ZNF771: variants seen among roughly 807,000 people sequenced by gnomAD.
ZNF771 encodes the protein mesenchymal stem cell protein DSC43.
In ZNF771, 10 loss-of-function variants were observed where a neutral mutation model predicts 27.6. The observed-to-expected ratio is 0.36, with a 90% CI of 0.22 to 0.61. The LOEUF is 0.61. Ranked by LOEUF, ZNF771 falls within the 20% of genes least tolerant of loss-of-function variation. The pLI, the probability that ZNF771 is intolerant of heterozygous loss-of-function variation, is 0.70. For missense variants in ZNF771, 438 were observed against 503.7 expected (o/e 0.87, Z 1.25); for synonymous variants, 261 against 225.2 (o/e 1.16, Z -1.43).
intron 2 of ZNF771, among the ~76,000 whole-genome samples, chr16:30,409,523 C>A (rs994912362): frequency 7.9e-5 from 12 of 152,172 alleles, no homozygotes; most frequent in Middle Eastern, 3.2e-3. Context: ...TCTGTCTGCC[C>A]CCAGCCTGAG....
chr16:30,417,656 C>T lies in ZNF771; in HGVS notation c.243C>T (p.His81=). 1 of 1,374,014 alleles carries T rather than the reference C, an allele frequency of 7.3e-7. No individual in the cohort carries two copies. Among genetic ancestry groups the T allele is most frequent in the Non-Finnish European group, 9.4e-7 (1 of 1,066,212 alleles). The allele number at this position is 1,374,014 out of a possible 1,614,324, so 85.1% of individuals were successfully genotyped here. A position where few individuals can be genotyped will look rare whatever the true frequency, so the allele number is the denominator to read the frequency against. The change falls in exon 3 of 3, where the codon CAC becomes CAT. Residue 81 remains histidine, a synonymous_variant. Coordinates refer to ENST00000319296, the MANE Select transcript of ZNF771 (RefSeq NM_001142305.2). The part of the protein sequence containing the change: ...AFARRSTLAK[H]ARTHTGERPF... ...CGCGCCGCTCCACGCTGGCGAAGCA[C>T]GCGCGCACGCACACGGGCGAACGGC...
At chr16:30,411,563 C>A (rs2151123987) in intron 2 of ZNF771, among the ~76,000 whole-genome samples, 1 of 152,266 alleles carries the variant, frequency 6.6e-6, no homozygotes, top group South Asian at 2.1e-4. Context: ...GGTCGTAACT[C>A]CACCGTTTAC....
At chr16:30,407,991 GGGGGGGGT>G in intron 1 of ZNF771, 46 bp from the exon 2 acceptor site, 1 of 919,102 alleles carries the variant, frequency 1.1e-6, no homozygotes. Context: ...GGTGGGCGGG[GGGGGGGGT>G]GGGGGGGGGC....
rs1597034127 is a variant in ZNF771 at position 30,419,265 on chromosome 16, CCAA to C, written c.*899_*901del. 1 of 151,146 alleles carries C rather than the reference CCAA, an allele frequency of 6.6e-6. No individual in the cohort carries two copies. Among genetic ancestry groups the C allele is most frequent in the East Asian group, 1.9e-4 (1 of 5,160 alleles). 9.4% of individuals were successfully genotyped at this position (151,146 alleles called of 1,614,324 possible). A position where few individuals can be genotyped will look rare whatever the true frequency, so the allele number is the denominator to read the frequency against. On this transcript the variant is annotated 3_prime_UTR_variant, in exon 3 of 3. Coordinates refer to ENST00000319296, the MANE Select transcript of ZNF771 (RefSeq NM_001142305.2). Reference sequence around the variant, plus strand: ...ACAAAAAACAACAAACCAAACCAAACCAAACCAAAAAAATCTCAAAGCGATTGG... The same window carrying C: ...ACAAAAAACAACAAACCAAACCAAACACCAAAAAAATCTCAAAGCGATTGG...
intron 2 of ZNF771, among the ~76,000 whole-genome samples, chr16:30,414,896 C>T (rs2050125157): frequency 6.7e-6 from 1 of 149,996 alleles, no homozygotes; most frequent in Non-Finnish European, 1.5e-5. Flanking sequence ...CTGCCCACCT[C>T]AGCCTCCCAA....
chr16:30,418,366 G>C lies in ZNF771; in HGVS notation c.953G>C (p.Ter318SerextTer71). 1 of 1,408,414 alleles carries C rather than the reference G, an allele frequency of 7.1e-7. No homozygotes were observed. Among genetic ancestry groups the C allele is most frequent in the Non-Finnish European group, 9.2e-7 (1 of 1,083,116 alleles). 87.2% of individuals were successfully genotyped at this position (1,408,414 alleles called of 1,614,324 possible). ...CGTTGCCCGGAGTGTGAGGGCAGCT[G>C]AGTCCCGCAGGGCTGCGGAGGGGCG... ...TERCPECEGS[*>S] The change falls in exon 3 of 3, where the codon TGA (stop) becomes TCA (serine). Residue 318 changes from the stop codon to serine, a stop_lost. Coordinates refer to ENST00000319296, the MANE Select transcript of ZNF771 (RefSeq NM_001142305.2).
rs1296067559 is a variant in ZNF771 at position 30,408,161 on chromosome 16, G to C, written c.108G>C (p.Val36=). ...ATGAGGGTGAGGAGAAGTATGAGGT[G>C]GTGAAACTCAAGATCCCCATGGACA... ...EEDEGEEKYE[V]VKLKIPMDNK... The change falls in exon 2 of 3, where the codon GTG becomes GTC. Residue 36 remains valine (V), a synonymous_variant. Coordinates refer to ENST00000319296, the MANE Select transcript of ZNF771 (RefSeq NM_001142305.2). The C allele has an allele frequency of 6.2e-7, 1 of 1,613,696 alleles. No individual in the cohort carries two copies. The highest frequency in any genetic ancestry group is 1.7e-5 in the Admixed American group (1 of 59,978).
At chr16:30,415,760 G>A (rs1175253791) in intron 2 of ZNF771, among the ~76,000 whole-genome samples, 3 of 152,068 alleles carry the variant, frequency 2.0e-5, no homozygotes, top group African/African-American at 7.2e-5. Context: ...ATCGAATATG[G>A]GAGAAGCTGA....
At chr16:30,409,093 G>C (rs1009590945) in intron 2 of ZNF771, among the ~76,000 whole-genome samples, 1 of 152,126 alleles carries the variant, frequency 6.6e-6, no homozygotes, top group East Asian at 1.9e-4. Context: ...TCCTACCTCA[G>C]CCTCCCAAGA....
At chr16:30,414,379 C>T (rs1459218086) in intron 2 of ZNF771, 1 of 152,118 alleles carries the variant, frequency 6.6e-6, no homozygotes, top group Non-Finnish European at 1.5e-5. Flanking sequence ...AACAGTGTAG[C>T]CTGAATGACG....
chr16:30,416,360 A>G (rs1489406904), intron 2 of ZNF771, among the ~76,000 whole-genome samples: 2 of 152,118 alleles, frequency 1.3e-5, no homozygotes, highest in African/African-American at 2.4e-5. Context: ...CCGTGACACC[A>G]TCCAAAACAG....
chr16:30,417,458 G>C (rs1032273525), intron 2 of ZNF771, 97 bp from the exon 3 acceptor site: 1 of 823,866 alleles, frequency 1.2e-6, no homozygotes, highest in Non-Finnish European at 1.6e-6. Context: ...TTCATAGATG[G>C]GGAACTGAGG....
intron 2 of ZNF771, among the ~76,000 whole-genome samples, chr16:30,414,942 G>A (rs368441301): frequency 2.5e-4 from 31 of 121,688 alleles, no homozygotes; most frequent in African/African-American, 9.6e-4. Flanking sequence ...ACCGCGCCCG[G>A]CCTCTTTTTT....
rs188357247 is a variant in ZNF771 at position 30,418,689 on chromosome 16, G to A, written c.*322G>A. The stretch of plus-strand genomic sequence containing the variant: ...CAAGTGAGTTGTCAAGGAACCAAAT[G>A]GGGATGTAAACCTAAAAGGGGTTCC... On this transcript the variant is annotated 3_prime_UTR_variant, in exon 3 of 3. Coordinates refer to ENST00000319296, the MANE Select transcript of ZNF771 (RefSeq NM_001142305.2). 9.7e-5 allele frequency: 33 copies of A among 339,854 alleles called. No homozygotes were observed. The highest frequency in any genetic ancestry group is 5.5e-4 in the African/African-American group (26 of 47,298). The allele number at this position is 339,854 out of a possible 1,614,324, so 21.1% of individuals were successfully genotyped here.
intron 2 of ZNF771, among the ~76,000 whole-genome samples, chr16:30,411,613 T>C (rs888176758): frequency 3.3e-5 from 5 of 152,098 alleles, no homozygotes; most frequent in African/African-American, 1.2e-4. Context: ...AATGGGGTAA[T>C]AGAGTAAGAC....
intron 2 of ZNF771, among the ~76,000 whole-genome samples, chr16:30,412,975 C>T (rs866644684): frequency 6.6e-5 from 10 of 152,236 alleles, no homozygotes; most frequent in Admixed American, 4.6e-4. Context: ...AGGTACCTAA[C>T]GAAAGCCATG....
chr16:30,407,850 C>T (rs1567439554), intron 1 of ZNF771, among the ~76,000 whole-genome samples, 186 bp downstream of exon 1: 1 of 151,880 alleles, frequency 6.6e-6, no homozygotes, highest in Non-Finnish European at 1.5e-5. Flanking sequence ...TGAACGCGAG[C>T]CCTCGGAGCT....
In ZNF771 at chr16:30,417,861, G is replaced by A; in HGVS notation, c.448G>A (p.Ala150Thr). Residue 150 changes from alanine to threonine, a missense_variant, in exon 3 of 3, where the codon GCG becomes ACG. By Grantham distance (58) the Ala-to-Thr change is moderately conservative. Coordinates refer to ENST00000319296, the MANE Select transcript of ZNF771 (RefSeq NM_001142305.2). ...CACGGGCGAGAAGCCGTACGCATGC[G>A]CGCACTGCGGCCGCCGCTTCGCGCA... Reference protein sequence around the residue: ...RHTGEKPYACAHCGRRFAQSS... With the variant: ...RHTGEKPYACTHCGRRFAQSS... 1.3e-6 allele frequency: 2 copies of A among 1,502,992 alleles called. No individual in the cohort carries two copies. The highest frequency in any genetic ancestry group is 1.8e-6 in the Non-Finnish European group (2 of 1,134,970). 93.1% of individuals were successfully genotyped at this position (1,502,992 alleles called of 1,614,324 possible).
Position 30,414,946 on chromosome 16 carries a change from CTTTTTTTTTTT to C in ZNF771, c.142-2590_142-2580del, listed in dbSNP as rs71149016. Among the ~76,000 whole-genome samples the C allele has an allele frequency of 7.2e-4, 43 of 59,464 alleles. 1 individual carries two copies. Among genetic ancestry groups the C allele is most frequent in the South Asian group, 5.7e-3 (7 of 1,230 alleles). 39.0% of individuals were successfully genotyped at this position (59,464 alleles called of 152,430 possible). On this transcript the variant is annotated intron_variant, in intron 2 of 2. Transcript: ENST00000319296. ...AGGCGTGAGCCACCGCGCCCGGCCTCTTTTTTTTTTTTTTTTTTTTTTTTTTTTTGAGATGG... is the reference window on the plus strand; with the variant it reads ...AGGCGTGAGCCACCGCGCCCGGCCTCTTTTTTTTTTTTTTTTTTGAGATGG...
Sources: allele counts gnomAD v4.1 joint callset (sites outside exome capture counted in the v4.1 genomes callset), GRCh38; gene constraint gnomAD v4.1.1; transcripts MANE v1.5; gene names NCBI Gene and HGNC (gene_info 2026-07-23, HGNC 2026-07-21).